Variants in IFT172 observed in about 807,000 individuals in gnomAD.
IFT172 encodes the protein intraflagellar transport 172, also known as intraflagellar transport protein 172 homolog.
In IFT172, 164 loss-of-function variants were observed where a neutral mutation model predicts 248.9. That is an observed-to-expected ratio of 0.66 (90% CI 0.58 to 0.75). IFT172 has a LOEUF of 0.75. Ranked by LOEUF, IFT172 falls within the 30% of genes least tolerant of loss-of-function variation. IFT172 has a pLI of 0.00. For missense variants in IFT172, 1,950 were observed against 2,192.4 expected (o/e 0.89, Z 2.21); for synonymous variants, 729 against 791.6 (o/e 0.92, Z 1.33).
At chr2:27,476,782 T>C (rs1362200288) in intron 13 of IFT172, 56 bp from the exon 14 acceptor site, 8 of 1,000,170 alleles carry the variant, frequency 8.0e-6, no homozygotes, top group Non-Finnish European at 6.4e-6. Context: ...GGGATGTTTA[T>C]TAAAGGCTCT....
rs1558408304 is a variant in IFT172, at chr2:27,479,521, C to A, written c.993G>T (p.Val331=). The change falls in exon 10 of 48, where the codon GTG becomes GTT. Residue 331 remains valine (V), a synonymous_variant. Coordinates refer to ENST00000260570, the MANE Select transcript of IFT172 (RefSeq NM_015662.3). ...CCATCCTGCTTACCTGGCTAGGTCC[C>A]ACATACGTCAACTCAAACTTGTTCT... The part of the protein sequence containing the change: ...IYKNKFELTY[V]GPSQVIVKNL... 5 of 1,605,756 alleles carry A rather than the reference C, an allele frequency of 3.1e-6. No homozygotes were observed. The highest frequency in any genetic ancestry group is 1.3e-5 in the African/African-American group (1 of 74,894).
chr2:27,453,133 G>T, intron 35 of IFT172: 4 of 626,436 alleles, frequency 6.4e-6, no homozygotes, highest in South Asian at 6.1e-5. Context: ...TCTTTACTCA[G>T]ATATGATAGT....
At chr2:27,467,613 C>CA (rs758559563) in intron 16 of IFT172, among the ~76,000 whole-genome samples, 3,017 of 51,282 alleles carry the variant, frequency 0.059, 2 homozygotes, top group East Asian at 0.094. Flanking sequence ...ACCCTGTCTC[C>CA]AAAAAAAAAA....
At chr2:27,471,557 A>G (rs1387322460) in intron 15 of IFT172, 1 of 166,870 alleles carries the variant, frequency 6.0e-6, no homozygotes, top group Non-Finnish European at 1.3e-5. Flanking sequence ...AGTTCATGCT[A>G]TCAGATAAGT....
chr2:27,476,630 G>A lies in IFT172; in HGVS notation c.1411+11C>T, dbSNP rs747456734. On this transcript the variant is annotated intron_variant, in intron 14 of 47. Coordinates refer to ENST00000260570, the MANE Select transcript of IFT172 (RefSeq NM_015662.3). Reference sequence around the variant, plus strand: ...ATTTTGTTATTAAAATTATGAGAGAGTCTTACTCACCTATAGCAATAGTCT... The same window carrying A: ...ATTTTGTTATTAAAATTATGAGAGAATCTTACTCACCTATAGCAATAGTCT... 1.4e-6 allele frequency: 2 copies of A among 1,447,706 alleles called. No homozygotes were observed. The highest frequency in any genetic ancestry group is 1.2e-5 in the South Asian group (1 of 86,166). The allele number at this position is 1,447,706 out of a possible 1,614,324, so 89.7% of individuals were successfully genotyped here.
chr2:27,453,363 G>A (rs1350567010), intron 35 of IFT172, 21 bp downstream of exon 35: 12 of 1,614,036 alleles, frequency 7.4e-6, no homozygotes, highest in Non-Finnish European at 1.0e-5. Context: ...AGGAGGGCCA[G>A]AAAGGGCCTG....
intron 7 of IFT172, among the ~76,000 whole-genome samples, chr2:27,481,642 G>A (rs1230470840): frequency 6.6e-6 from 1 of 151,632 alleles, no homozygotes; most frequent in Non-Finnish European, 1.5e-5. Flanking sequence ...CCAGGTTCAA[G>A]CGATTCTCCT....
chr2:27,470,473 A>G (rs1667479707), intron 16 of IFT172, among the ~76,000 whole-genome samples: 1 of 152,174 alleles, frequency 6.6e-6, no homozygotes, highest in African/African-American at 2.4e-5. Flanking sequence ...CTAGCACAGG[A>G]GCCTGCCTCT....
Position 27,447,414 on chromosome 2 carries a change from A to G in IFT172, c.4659+101T>C, listed in dbSNP as rs1665239220. The G allele has an allele frequency of 1.3e-5, 20 of 1,488,220 alleles. No individual in the cohort carries two copies. The South Asian group carries it at 2.4e-4, about 18-fold the overall frequency. The allele number at this position is 1,488,220 out of a possible 1,614,324, so 92.2% of individuals were successfully genotyped here. A position where few individuals can be genotyped will look rare whatever the true frequency, so the allele number is the denominator to read the frequency against. On this transcript the variant is annotated intron_variant, in intron 42 of 47. Transcript: ENST00000260570. ...GCTGAAAGACAGGTGGGGAGATTCA[A>G]GAGCCCAAGCTGAAGAATCCAGAAC...
chr2:27,469,220 C>T (rs941319088), intron 16 of IFT172, among the ~76,000 whole-genome samples: 1 of 151,784 alleles, frequency 6.6e-6, no homozygotes, highest in East Asian at 1.9e-4. Context: ...ATGGTGAAAC[C>T]CGTCTCTACT....
chr2:27,449,480 C>A lies in IFT172; in HGVS notation c.4224+19G>T. 6.2e-7 allele frequency: 1 copy of A among 1,614,142 alleles called. No homozygotes were observed. Among genetic ancestry groups the A allele is most frequent in the Non-Finnish European group, 8.5e-7 (1 of 1,180,016 alleles). The stretch of plus-strand genomic sequence containing the variant: ...GTCTCTCCCTGCATTCTGCCTCCTG[C>A]TAACTCTCCAAGTCTCACCGAGTCC... On this transcript the variant is annotated intron_variant, in intron 38 of 47. Coordinates refer to ENST00000260570, the MANE Select transcript of IFT172 (RefSeq NM_015662.3).
At chr2:27,478,969 AG>A (rs1193635380) in intron 10 of IFT172, among the ~76,000 whole-genome samples, 1 of 152,168 alleles carries the variant, frequency 6.6e-6, no homozygotes, top group African/African-American at 2.4e-5. Context: ...GGAAGGCTTA[AG>A]TGGCAATCTC....
chr2:27,463,212 A>G, intron 18 of IFT172, 31 bp from the exon 19 acceptor site: 3 of 1,571,028 alleles, frequency 1.9e-6, no homozygotes, highest in East Asian at 2.2e-5. Flanking sequence ...CATTAATAGT[A>G]ATATTATTAT....
chr2:27,478,131 C>T lies in IFT172; in HGVS notation c.1031G>A (p.Gly344Glu). The T allele has an allele frequency of 6.2e-7, 1 of 1,614,138 alleles. No individual in the cohort carries two copies. Among genetic ancestry groups the T allele is most frequent in the Non-Finnish European group, 8.5e-7 (1 of 1,180,018 alleles). The change falls in exon 11 of 48, where the codon GGA becomes GAA. Residue 344 changes from glycine to glutamate, a missense_variant. Coordinates refer to ENST00000260570, the MANE Select transcript of IFT172 (RefSeq NM_015662.3). ...SQVIVKNLSSGTRVVLKSHYG... is the reference protein window; with the variant it reads ...SQVIVKNLSSETRVVLKSHYG... ...GTGTGACTTGAGCACCACTCGGGTTCCTGATGACAGGTTCTTCACAATCAC... is the reference window on the plus strand; with the variant it reads ...GTGTGACTTGAGCACCACTCGGGTTTCTGATGACAGGTTCTTCACAATCAC...
At chr2:27,456,098 G>C (rs900533915) in intron 30 of IFT172, among the ~76,000 whole-genome samples, 1 of 152,102 alleles carries the variant, frequency 6.6e-6, no homozygotes, top group Non-Finnish European at 1.5e-5. Flanking sequence ...TGTAGTCCCA[G>C]CTACTCGGGA....
At position 27,448,951 on chromosome 2, in the gene IFT172, G is replaced by A; in HGVS notation, c.4392C>T (p.Ala1464=). ...IREGSSAQAL[A]LYVQHGAPAN... ...CAGGGGCTCCGTGCTGTACATACAG[G>A]GCCAATGCCTGGGCAGAGCTACCCT... The change falls in exon 40 of 48, where the codon GCC becomes GCT. Residue 1464 remains alanine, a synonymous_variant. Transcript: ENST00000260570. 2 of 1,606,558 alleles carry A rather than the reference G, an allele frequency of 1.2e-6. No homozygotes were observed. Among genetic ancestry groups the A allele is most frequent in the Non-Finnish European group, 8.5e-7 (1 of 1,173,110 alleles).
chr2:27,459,001 A>G, intron 25 of IFT172, 133 bp from the exon 26 acceptor site: 3 of 873,254 alleles, frequency 3.4e-6, no homozygotes, highest in Non-Finnish European at 5.2e-6. Flanking sequence ...AGAAGAAAAG[A>G]TGAGTATGGG....
intron 16 of IFT172, among the ~76,000 whole-genome samples, chr2:27,467,400 T>C (rs1667161918): frequency 2.7e-5 from 3 of 112,366 alleles, no homozygotes; most frequent in Non-Finnish European, 5.0e-5. Flanking sequence ...CAGTGAGAAC[T>C]TGTCTTTACA....
chr2:27,479,855 A>T (rs1310972654), intron 9 of IFT172, among the ~76,000 whole-genome samples, 171 bp downstream of exon 9: 1 of 152,242 alleles, frequency 6.6e-6, no homozygotes, highest in East Asian at 1.9e-4. Context: ...TTTGTGACCT[A>T]GGGTAAAGTA....
Sources: gnomAD v4.1 joint callset for allele counts (sites outside exome capture counted in the v4.1 genomes callset) on GRCh38, gnomAD v4.1.1 for gene constraint, MANE v1.5 for transcripts, NCBI Gene and HGNC (gene_info 2026-07-23, HGNC 2026-07-21) for gene names.